Variants in HIBADH observed in about 807,000 individuals in gnomAD.
HIBADH encodes the protein 3-hydroxyisobutyrate dehydrogenase, mitochondrial.
Under a neutral mutation model 36.1 loss-of-function variants are expected in HIBADH, and 25 were observed. The observed-to-expected ratio is 0.69, with a 90% CI of 0.50 to 0.97. The LOEUF is 0.97. Ranked by LOEUF, HIBADH falls within the 50% of genes least tolerant of loss-of-function variation. The pLI, the probability that HIBADH is intolerant of heterozygous loss-of-function variation, is 0.00. For missense variants in HIBADH, 421 were observed against 418.0 expected, an observed-to-expected ratio of 1.01 and a Z score of -0.06; for synonymous variants, 160 against 149.5, an observed-to-expected ratio of 1.07 and a Z score of -0.51.
intron 2 of HIBADH, among the ~76,000 whole-genome samples, chr7:27,638,870 C>T (rs184896983): frequency 6.6e-6 from 1 of 152,154 alleles, no homozygotes; most frequent in African/African-American, 2.4e-5. Flanking sequence ...TAGTGAAATG[C>T]AAATCAAAAC....
intron 4 of HIBADH, among the ~76,000 whole-genome samples, chr7:27,559,067 A>G (rs1335795433): frequency 2.0e-5 from 3 of 152,164 alleles, no homozygotes; most frequent in Admixed American, 1.3e-4. Context: ...GATCTGTTTC[A>G]GGATTTTCTC....
rs574781055 is a variant in HIBADH, at chr7:27,645,270, T to A, written c.252+4203A>T. On this transcript the variant is annotated intron_variant, in intron 2 of 7. Coordinates refer to ENST00000265395, the MANE Select transcript of HIBADH (RefSeq NM_152740.4). ...TGGCTGTACCATTTTACATTTCCAC[T>A]AGCAGTGTATGAGGGCTCCAACTTT... 6.0e-4 allele frequency among the ~76,000 whole-genome samples: 91 copies of A among 151,888 alleles called. 1 individual carries two copies. Among genetic ancestry groups the A allele is most frequent in the African/African-American group, 1.9e-3 (79 of 41,446 alleles).
intron 1 of HIBADH, among the ~76,000 whole-genome samples, chr7:27,661,591 A>G (rs1286865296): frequency 6.6e-6 from 1 of 150,630 alleles, no homozygotes; most frequent in East Asian, 1.9e-4. Flanking sequence ...GTCTCAAAAA[A>G]AAAAAAAAAA....
intron 4 of HIBADH, among the ~76,000 whole-genome samples, chr7:27,587,072 T>C (rs1223353973): frequency 1.3e-5 from 2 of 152,228 alleles, no homozygotes; most frequent in Non-Finnish European, 2.9e-5. Flanking sequence ...GCAAGCCTTG[T>C]TATGCAAATT....
intron 4 of HIBADH, among the ~76,000 whole-genome samples, chr7:27,569,733 G>A (rs1263441166): frequency 6.6e-6 from 1 of 151,832 alleles, no homozygotes; most frequent in East Asian, 1.9e-4. Flanking sequence ...AACTAGATCT[G>A]TCTCTGGGGC....
intron 4 of HIBADH, among the ~76,000 whole-genome samples, chr7:27,628,889 T>C (rs2128294232): frequency 6.6e-6 from 1 of 152,218 alleles, no homozygotes; most frequent in Admixed American, 6.5e-5. Context: ...TGGGAAGTAT[T>C]TCCTCTTTTC....
chr7:27,650,458 ATTTT>A (rs947948000), intron 1 of HIBADH, among the ~76,000 whole-genome samples: 8 of 137,088 alleles, frequency 5.8e-5, no homozygotes, highest in African/African-American at 1.9e-4. Context: ...TCCTTATTAT[ATTTT>A]TATTTATTTA....
At chr7:27,559,637 A>G (rs190428100) in intron 4 of HIBADH, among the ~76,000 whole-genome samples, 310 of 152,230 alleles carry the variant, frequency 2.0e-3, no homozygotes, top group African/African-American at 6.9e-3. Flanking sequence ...ACTCTGTCTC[A>G]AAAAACAACA....
At chr7:27,594,025 AAAATAAAT>A (rs538937381) in intron 4 of HIBADH, among the ~76,000 whole-genome samples, 29 of 149,548 alleles carry the variant, frequency 1.9e-4, no homozygotes, top group Non-Finnish European at 2.4e-4. Flanking sequence ...TCCGTCTCAA[AAAATAAAT>A]AAATAAATAA....
chr7:27,642,091 A>G (rs1156492480), intron 2 of HIBADH, among the ~76,000 whole-genome samples: 1 of 152,176 alleles, frequency 6.6e-6, no homozygotes, highest in Non-Finnish European at 1.5e-5. Context: ...AGGAGCACCG[A>G]CCCAGAACCC....
intron 1 of HIBADH, among the ~76,000 whole-genome samples, chr7:27,654,264 C>T (rs904485946): frequency 1.3e-5 from 2 of 152,144 alleles, no homozygotes; most frequent in African/African-American, 2.4e-5. Flanking sequence ...CACCCAAACA[C>T]ATATGTAACT....
intron 1 of HIBADH, among the ~76,000 whole-genome samples, chr7:27,659,700 CAA>C (rs1491348784): frequency 1.1e-4 from 16 of 151,880 alleles, no homozygotes; most frequent in South Asian, 6.3e-4. Context: ...CCAGCCTGGA[CAA>C]GAGAGAGAGA....
intron 4 of HIBADH, among the ~76,000 whole-genome samples, chr7:27,587,407 C>T (rs922795911): frequency 1.3e-5 from 2 of 151,086 alleles, no homozygotes; most frequent in Non-Finnish European, 1.5e-5. Context: ...TCTTAATGAC[C>T]GAAAGGAAAA....
chr7:27,649,695 T>C, intron 1 of HIBADH, 62 bp from the exon 2 acceptor site: 12 of 1,415,028 alleles, frequency 8.5e-6, no homozygotes, highest in Non-Finnish European at 1.1e-5. Flanking sequence ...AACATTCATT[T>C]AATATTAGCA....
chr7:27,620,366 A>T (rs554186962), intron 4 of HIBADH, among the ~76,000 whole-genome samples: 1 of 152,136 alleles, frequency 6.6e-6, no homozygotes, highest in East Asian at 1.9e-4. Flanking sequence ...AGACAAAAGC[A>T]TCTGGTCACC....
At chr7:27,594,929 A>G (rs994738882) in intron 4 of HIBADH, among the ~76,000 whole-genome samples, 9 of 152,208 alleles carry the variant, frequency 5.9e-5, no homozygotes, top group Admixed American at 5.2e-4. Context: ...CCCTTCAACT[A>G]AAATAAACTG....
intron 4 of HIBADH, among the ~76,000 whole-genome samples, chr7:27,579,286 C>A (rs1784757451): frequency 6.6e-6 from 1 of 152,030 alleles, no homozygotes; most frequent in Admixed American, 6.6e-5. Flanking sequence ...ATGGTTCCAC[C>A]AAAAACAAAA....
chr7:27,604,575 T>A (rs1176099958), intron 4 of HIBADH, among the ~76,000 whole-genome samples: 2 of 152,136 alleles, frequency 1.3e-5, no homozygotes, highest in Non-Finnish European at 2.9e-5. Flanking sequence ...TACAGCTTTT[T>A]GATGTTAAAT....
At chr7:27,596,538 A>G (rs1468566950) in intron 4 of HIBADH, among the ~76,000 whole-genome samples, 2 of 152,236 alleles carry the variant, frequency 1.3e-5, no homozygotes, top group Non-Finnish European at 2.9e-5. Context: ...CATTTCTTAA[A>G]ATTTCTCCTA....
Sources: gnomAD v4.1 joint callset for allele counts (sites outside exome capture counted in the v4.1 genomes callset) on GRCh38, gnomAD v4.1.1 for gene constraint, MANE v1.5 for transcripts, NCBI Gene and HGNC (gene_info 2026-07-23, HGNC 2026-07-21) for gene names.